The following C1QTNF3 variants were observed in gnomAD, a reference collection of about 807,000 sequenced individuals.
The protein encoded by C1QTNF3 is complement C1q tumor necrosis factor-related protein 3.
Under a neutral mutation model 32.6 loss-of-function variants are expected in C1QTNF3, and 26 were observed. The ratio of observed to expected loss-of-function variants is 0.80; its 90% CI spans 0.58 to 1.11. The LOEUF is 1.11. Ranked by LOEUF, C1QTNF3 falls within the 50% of genes least tolerant of loss-of-function variation. The pLI, the probability that C1QTNF3 is intolerant of heterozygous loss-of-function variation, is 0.00. For synonymous variants in C1QTNF3, 155 were observed against 146.0 expected, an observed-to-expected ratio of 1.06 and a Z score of -0.44; for missense variants, 362 against 398.2, an observed-to-expected ratio of 0.91 and a Z score of 0.77.
At chr5:34,108,436 T>C in the C1QTNF3 span, among the ~76,000 whole-genome samples, 1 of 152,176 alleles carries the variant, frequency 6.6e-6, no homozygotes, top group Non-Finnish European at 1.5e-5. Context: ...GGTGTTCTTT[T>C]GCCAGAATAG....
the C1QTNF3 span, among the ~76,000 whole-genome samples, chr5:34,058,425 G>T: frequency 6.6e-6 from 1 of 152,128 alleles, no homozygotes; most frequent in Non-Finnish European, 1.5e-5. Flanking sequence ...TCACTTTTCT[G>T]TCGTATTTCC....
chr5:34,200,531 T>C, the C1QTNF3 span: 1 of 152,108 alleles, frequency 6.6e-6, no homozygotes, highest in African/African-American at 2.4e-5. Flanking sequence ...TTGGACATTT[T>C]CACCCCCCAG....
chr5:34,062,479 T>C, the C1QTNF3 span, among the ~76,000 whole-genome samples: 1 of 152,196 alleles, frequency 6.6e-6, no homozygotes, highest in Non-Finnish European at 1.5e-5. Context: ...CTTTTTCCTA[T>C]GAGAAGGAGA....
the C1QTNF3 span, among the ~76,000 whole-genome samples, chr5:34,140,047 C>T: frequency 6.6e-6 from 1 of 152,162 alleles, no homozygotes; most frequent in Non-Finnish European, 1.5e-5. Context: ...ACATCCTCAA[C>T]AAAGAATTCA....
the C1QTNF3 span, among the ~76,000 whole-genome samples, chr5:34,185,067 C>T: frequency 1.3e-5 from 2 of 152,376 alleles, no homozygotes; most frequent in South Asian, 4.2e-4. Context: ...ATATTGTTGG[C>T]CAGGCACAGT....
chr5:34,236,570 C>CT, the C1QTNF3 span, among the ~76,000 whole-genome samples: 180 of 27,288 alleles, frequency 6.6e-3, 2 homozygotes, highest in Middle Eastern at 0.083. Flanking sequence ...TTTCTTTTTT[C>CT]TTTTTTTTTT....
chr5:34,042,891 G>C lies in C1QTNF3; in HGVS notation c.235C>G (p.Leu79Val), dbSNP rs900266305. 1 of 1,614,050 alleles carries C rather than the reference G, an allele frequency of 6.2e-7. No individual in the cohort carries two copies. The highest frequency in any genetic ancestry group is 1.1e-5 in the South Asian group (1 of 91,076). Residue 79 changes from leucine (L) to valine (V), a missense_variant, in exon 1 of 6, where the codon CTG becomes GTG. Physicochemically the swap from Leu to Val is conservative, Grantham distance 32 (BLOSUM62 1). Transcript: ENST00000382065. ...GGGTGCGGTAGCTCATCTGGTCTCA[G>C]GGATTTTAGGTCTGTAGAAGTGTTA... ...DNNTSTDLKS[L>V]RPDELPHPEV... is the part of the protein sequence containing the mutation.
At position 34,042,823 on chromosome 5, in the gene C1QTNF3, C is replaced by G; in HGVS notation, c.303G>C (p.Gln101His). Residue 101 changes from glutamine (Q) to histidine (H), a missense_variant and splice_region_variant, in exon 1 of 6, where the codon CAG becomes CAC. Coordinates refer to ENST00000382065, the MANE Select transcript of C1QTNF3 (RefSeq NM_181435.6). ...DLAQITTFWG[Q>H]SPQTGGLPPD... ...ATCCTTAGAAGAGAATTCTGAGTACCTGGCCCCAGAATGTGGTGATCTGGG... is the reference window on the plus strand; with the variant it reads ...ATCCTTAGAAGAGAATTCTGAGTACGTGGCCCCAGAATGTGGTGATCTGGG... 4 of 1,609,974 alleles carry G rather than the reference C, an allele frequency of 2.5e-6. No homozygotes were observed. The highest frequency in any genetic ancestry group is 3.4e-6 in the Non-Finnish European group (4 of 1,177,398).
At chr5:34,105,008 A>G in the C1QTNF3 span, among the ~76,000 whole-genome samples, 2 of 151,754 alleles carry the variant, frequency 1.3e-5, no homozygotes, top group East Asian at 1.9e-4. Context: ...TTTACTTGTC[A>G]GAATTACATC....
the C1QTNF3 span, among the ~76,000 whole-genome samples, chr5:34,102,765 T>G: frequency 1.3e-5 from 2 of 152,256 alleles, no homozygotes; most frequent in African/African-American, 4.8e-5. Context: ...AAACACTGCA[T>G]GTTCTCACTC....
chr5:34,056,962 T>A, the C1QTNF3 span, among the ~76,000 whole-genome samples: 4 of 152,168 alleles, frequency 2.6e-5, no homozygotes, highest in Non-Finnish European at 5.9e-5. Context: ...AACCACATCC[T>A]TACTGGAATG....
At chr5:34,176,889 A>ATG in the C1QTNF3 span, among the ~76,000 whole-genome samples, 6 of 150,448 alleles carry the variant, frequency 4.0e-5, no homozygotes, top group African/African-American at 9.9e-5. Flanking sequence ...GAATGAATGA[A>ATG]AAATGAAATT....
the C1QTNF3 span, among the ~76,000 whole-genome samples, chr5:34,162,440 T>C: frequency 2.0e-5 from 3 of 152,164 alleles, no homozygotes; most frequent in Non-Finnish European, 2.9e-5. Context: ...CACCATTACA[T>C]TGAGAATTAG....
chr5:34,139,253 T>C, the C1QTNF3 span, among the ~76,000 whole-genome samples: 8 of 152,002 alleles, frequency 5.3e-5, no homozygotes, highest in Non-Finnish European at 7.4e-5. Flanking sequence ...TATTTTTCTA[T>C]GTAATCATGA....
intron 1 of C1QTNF3, among the ~76,000 whole-genome samples, chr5:34,042,014 G>A (rs1359169048): frequency 1.1e-4 from 16 of 149,204 alleles, no homozygotes; most frequent in Admixed American, 9.5e-4. Flanking sequence ...CATACTAGAT[G>A]TCTAGAGGGT....
chr5:34,120,529 T>A, the C1QTNF3 span, among the ~76,000 whole-genome samples: 1 of 152,198 alleles, frequency 6.6e-6, no homozygotes, highest in Non-Finnish European at 1.5e-5. Flanking sequence ...TCCACTCAAA[T>A]CTCATCTTGA....
chr5:34,081,346 A>G, the C1QTNF3 span, among the ~76,000 whole-genome samples: 2 of 151,716 alleles, frequency 1.3e-5, no homozygotes, highest in South Asian at 4.1e-4. Flanking sequence ...CTGAACATCT[A>G]TTTATGTTCA....
the C1QTNF3 span, among the ~76,000 whole-genome samples, chr5:34,164,543 C>T: frequency 6.6e-6 from 1 of 151,130 alleles, no homozygotes; most frequent in African/African-American, 2.4e-5. Flanking sequence ...AAAACCTTTC[C>T]AAATTTGCAG....
At chr5:34,213,810 T>TATATATATA in the C1QTNF3 span, among the ~76,000 whole-genome samples, 781 of 13,588 alleles carry the variant, frequency 0.057, 42 homozygotes, top group Non-Finnish European at 0.078. Flanking sequence ...TATATATATA[T>TATATATATA]TTTTTTTTTT....
Sources: gnomAD v4.1 joint callset for allele counts (sites outside exome capture counted in the v4.1 genomes callset) on GRCh38, gnomAD v4.1.1 for gene constraint, MANE v1.5 for transcripts, NCBI Gene and HGNC (gene_info 2026-07-23, HGNC 2026-07-21) for gene names.